The following GRB14 variants were observed in gnomAD, a reference collection of about 807,000 sequenced individuals.
The protein encoded by GRB14 is growth factor receptor bound protein 14.
GRB14 carries 38 observed loss-of-function variants against 69.1 expected under a neutral mutation model. The observed-to-expected ratio is 0.55, with a 90% CI of 0.42 to 0.72. GRB14 has a LOEUF of 0.72. Ranked by LOEUF, GRB14 falls within the 30% of genes least tolerant of loss-of-function variation. The pLI, the probability that GRB14 is intolerant of heterozygous loss-of-function variation, is 0.00. For synonymous variants in GRB14, 247 were observed against 241.3 expected (o/e 1.02, Z -0.22); for missense variants, 666 against 666.1 (o/e 1.00, Z 0.00).
At chr2:164,505,484 G>A (rs1006173483) in intron 8 of GRB14, among the ~76,000 whole-genome samples, 10 of 152,198 alleles carry the variant, frequency 6.6e-5, no homozygotes, top group Admixed American at 4.6e-4. Flanking sequence ...CCTTGCACAC[G>A]CAATATCAGT....
At chr2:164,560,339 C>G (rs1574309355) in intron 2 of GRB14, among the ~76,000 whole-genome samples, 1 of 152,060 alleles carries the variant, frequency 6.6e-6, no homozygotes, top group African/African-American at 2.4e-5. Flanking sequence ...TGTTTTTTCA[C>G]TTTTCATAGC....
intron 2 of GRB14, among the ~76,000 whole-genome samples, chr2:164,580,324 C>T (rs113599937): frequency 0.053 from 8,064 of 151,960 alleles, 725 homozygotes; most frequent in African/African-American, 0.18. Flanking sequence ...AACTCCTGAC[C>T]TCAGGTGATT....
intron 2 of GRB14, among the ~76,000 whole-genome samples, chr2:164,552,328 T>C (rs981383889): frequency 6.6e-6 from 1 of 152,212 alleles, no homozygotes; most frequent in African/African-American, 2.4e-5. Flanking sequence ...GGGTGATACA[T>C]GACTTAATAC....
intron 2 of GRB14, among the ~76,000 whole-genome samples, chr2:164,583,408 T>G (rs1015906797): frequency 6.6e-6 from 1 of 152,230 alleles, no homozygotes; most frequent in Admixed American, 6.5e-5. Context: ...GTAAATATAC[T>G]GCTAATTCAA....
intron 2 of GRB14, among the ~76,000 whole-genome samples, chr2:164,614,818 T>C (rs1005973131): frequency 1.3e-5 from 2 of 152,066 alleles, no homozygotes; most frequent in Non-Finnish European, 2.9e-5. Flanking sequence ...ACATACAAGT[T>C]CAGCATGTCC....
chr2:164,604,764 G>A (rs1353917815), intron 2 of GRB14, among the ~76,000 whole-genome samples: 1 of 152,058 alleles, frequency 6.6e-6, no homozygotes, highest in Non-Finnish European at 1.5e-5. Context: ...AGATGCAAAA[G>A]GTCACATACT....
intron 8 of GRB14, among the ~76,000 whole-genome samples, 183 bp from the exon 9 acceptor site, chr2:164,502,518 T>C (rs546797187): frequency 4.6e-5 from 7 of 152,172 alleles, no homozygotes; most frequent in Middle Eastern, 6.8e-3. Flanking sequence ...AAAAAGACAA[T>C]TGAAGTCTTT....
chr2:164,530,169 C>T lies in GRB14; in HGVS notation c.482-3034G>A, dbSNP rs573798640. Reference sequence around the variant, plus strand: ...CTATACAGGAAGCATGGTAGCAGCACCTGCTTCTGGTGAGGTCTCAGGAAG... The same window carrying T: ...CTATACAGGAAGCATGGTAGCAGCATCTGCTTCTGGTGAGGTCTCAGGAAG... On this transcript the variant is annotated intron_variant, in intron 3 of 13. Coordinates refer to ENST00000263915, the MANE Select transcript of GRB14 (RefSeq NM_004490.3). Among the ~76,000 whole-genome samples the T allele has an allele frequency of 2.6e-5, 4 of 152,206 alleles. No homozygotes were observed. In the South Asian group the frequency reaches 6.2e-4, roughly 24 times the overall value.
chr2:164,611,251 T>C (rs1690161078), intron 2 of GRB14, among the ~76,000 whole-genome samples: 1 of 152,154 alleles, frequency 6.6e-6, no homozygotes, highest in African/African-American at 2.4e-5. Context: ...TTTCTGAAAG[T>C]TCCCTATAAC....
rs142385994 is a variant in GRB14 at position 164,493,153 on chromosome 2, T to G, written c.1506A>C (p.Thr502=). 6.2e-7 allele frequency: 1 copy of G among 1,613,270 alleles called. No individual in the cohort carries two copies. The highest frequency in any genetic ancestry group is 8.5e-7 in the Non-Finnish European group (1 of 1,179,594). ...PVEDDGEMFH[T]LDDGHTRFTD... The stretch of plus-strand genomic sequence containing the variant: ...TAAATCTTGTGTGGCCATCATCCAG[T>G]GTGTGGAACATTTCACCGTCATCTT... Residue 502 remains threonine, a synonymous_variant, in exon 14 of 14, where the codon ACA becomes ACC. Coordinates refer to ENST00000263915, the MANE Select transcript of GRB14 (RefSeq NM_004490.3).
intron 6 of GRB14, among the ~76,000 whole-genome samples, chr2:164,510,888 C>CA (rs988134271): frequency 6.6e-6 from 1 of 152,214 alleles, no homozygotes; most frequent in Non-Finnish European, 1.5e-5. Flanking sequence ...GACAGTCTTA[C>CA]ATTGTCAGTA....
intron 2 of GRB14, among the ~76,000 whole-genome samples, chr2:164,550,599 CT>C (rs2105313128): frequency 6.6e-6 from 1 of 152,186 alleles, no homozygotes; most frequent in South Asian, 2.1e-4. Context: ...TGGTCTATTC[CT>C]TTGACCCAGC....
chr2:164,568,288 GA>G lies in GRB14; in HGVS notation c.325-20473del, dbSNP rs150671172. ...AAAAAAAGCAGCAAGAAAAATTAAA[GA>G]AAAAAAGGATAAAGAAGTCACATAC... On this transcript the variant is annotated intron_variant, in intron 2 of 13. Coordinates refer to ENST00000263915, the MANE Select transcript of GRB14 (RefSeq NM_004490.3). 6,040 of 1,266,264 alleles carry G rather than the reference GA, an allele frequency of 4.8e-3. 226 individuals are homozygous for G. The African/African-American group carries it at 0.085, about 18-fold the overall frequency. The allele number at this position is 1,266,264 out of a possible 1,614,324, so 78.4% of individuals were successfully genotyped here.
chr2:164,526,976 A>G (rs761379118), intron 4 of GRB14, 38 bp downstream of exon 4: 2 of 1,461,542 alleles, frequency 1.4e-6, no homozygotes, highest in Non-Finnish European at 1.9e-6. Flanking sequence ...TAACGGGTTC[A>G]TTTATTTTCC....
intron 2 of GRB14, among the ~76,000 whole-genome samples, chr2:164,611,730 G>A (rs1690171551): frequency 6.6e-6 from 1 of 151,636 alleles, no homozygotes; most frequent in African/African-American, 2.4e-5. Flanking sequence ...CTTTGCTGCA[G>A]TTTCTAGTTT....
Position 164,525,041 on chromosome 2 carries a change from T to C in GRB14, c.641A>G (p.Glu214Gly). 1 of 1,594,444 alleles carries C rather than the reference T, an allele frequency of 6.3e-7. No homozygotes were observed. The highest frequency in any genetic ancestry group is 1.1e-5 in the South Asian group (1 of 88,294). Residue 214 changes from glutamate to glycine, a missense_variant, in exon 5 of 14, where the codon GAA becomes GGA. By Grantham distance (98) the Glu-to-Gly change is moderately conservative. Coordinates refer to ENST00000263915, the MANE Select transcript of GRB14 (RefSeq NM_004490.3). The part of the protein sequence containing the change: ...FPEHMVSFAT[E>G]TNGEISPTQI... ...TGTGGGGGATATTTCACCATTGGTTTCAGTTGCAAAAGATACCATATGCTC... is the reference window on the plus strand; with the variant it reads ...TGTGGGGGATATTTCACCATTGGTTCCAGTTGCAAAAGATACCATATGCTC...
intron 3 of GRB14, among the ~76,000 whole-genome samples, chr2:164,543,339 G>A (rs944988160): frequency 4.6e-5 from 7 of 151,454 alleles, no homozygotes; most frequent in South Asian, 2.1e-4. Flanking sequence ...ATAAATCATG[G>A]AATACTATGA....
At chr2:164,544,601 TG>T (rs1688319616) in intron 3 of GRB14, among the ~76,000 whole-genome samples, 2 of 152,234 alleles carry the variant, frequency 1.3e-5, no homozygotes, top group South Asian at 4.1e-4. Flanking sequence ...AGAAAATATA[TG>T]TTGAGCCTCT....
chr2:164,586,592 TG>T (rs1689545359), intron 2 of GRB14, among the ~76,000 whole-genome samples: 3 of 152,196 alleles, frequency 2.0e-5, no homozygotes, highest in Admixed American at 2.0e-4. Context: ...TCTCTGCATT[TG>T]CCACAAAACA....
Sources: gnomAD v4.1 joint callset for allele counts (sites outside exome capture counted in the v4.1 genomes callset) on GRCh38, gnomAD v4.1.1 for gene constraint, MANE v1.5 for transcripts, NCBI Gene and HGNC (gene_info 2026-07-23, HGNC 2026-07-21) for gene names.